Variants in MED28 observed in about 807,000 individuals in gnomAD.
MED28 encodes mediator complex subunit 28, also known as mediator of RNA polymerase II transcription subunit 28.
Under a neutral mutation model 21.3 loss-of-function variants are expected in MED28, and 26 were observed. The observed-to-expected ratio is 1.22, with a 90% confidence interval of 0.89 to 1.69. The LOEUF is 1.69. MED28 is among the 40% of genes most tolerant of loss of function. MED28 has a pLI of 0.00. For synonymous variants in MED28, 110 were observed against 87.6 expected, an observed-to-expected ratio of 1.26 and a Z score of -1.43; for missense variants, 257 against 215.4, an observed-to-expected ratio of 1.19 and a Z score of -1.21.
chr4:17,617,306 A>T (rs893840985), intron 1 of MED28, among the ~76,000 whole-genome samples: 1 of 152,210 alleles, frequency 6.6e-6, no homozygotes, highest in East Asian at 1.9e-4. Context: ...CTCCAGTGGC[A>T]CATAGCAGCA....
Position 17,619,948 on chromosome 4 carries a change from TC to T in MED28, c.208del (p.Gln70ArgfsTer49). 6.2e-7 allele frequency: 1 copy of T among 1,614,190 alleles called. No individual in the cohort carries two copies. The highest frequency in any genetic ancestry group is 8.5e-7 in the Non-Finnish European group (1 of 1,180,006). ...GTCAGGACTATGTCAATGGCACCGA[TC>T]AGGAAGAAATTCGAACCGGTAAGCA... Reference protein sequence around the residue: ...VSQDYVNGTDQEEIRTGVDQC... With the variant: ...VSQDYVNGTDXEEIRTGVDQC... On this transcript the variant is annotated frameshift_variant, in exon 2 of 4. Transcript: ENST00000237380. LOFTEE classifies it high-confidence loss of function.
chr4:17,617,128 C>A (rs1007019650), intron 1 of MED28, among the ~76,000 whole-genome samples: 16 of 152,240 alleles, frequency 1.1e-4, no homozygotes, highest in African/African-American at 3.4e-4. Flanking sequence ...AGCATTTTGA[C>A]TTAGCCAGGT....
chr4:17,615,082 G>A (rs1481858186), intron 1 of MED28, among the ~76,000 whole-genome samples: 2 of 152,198 alleles, frequency 1.3e-5, no homozygotes, highest in African/African-American at 4.8e-5. Flanking sequence ...ATTCCCAGCC[G>A]GTCCTTAGTC....
At position 17,626,435 on chromosome 4, in the gene MED28, T is replaced by G. The variant is rs1714774043; in HGVS notation, c.*2637T>G. 6.6e-6 allele frequency: 1 copy of G among 152,210 alleles called. No individual in the cohort carries two copies. The allele number at this position is 152,210 out of a possible 1,614,324, so 9.4% of individuals were successfully genotyped here. A position where few individuals can be genotyped will look rare whatever the true frequency, so the allele number is the denominator to read the frequency against. On this transcript the variant is annotated 3_prime_UTR_variant, in exon 4 of 4. Coordinates refer to ENST00000237380, the MANE Select transcript of MED28 (RefSeq NM_025205.5). ...CCTTTGGCAGAAGCAGGATTTGAAG[T>G]GAGTTTTCACACCCCTCTTCCCTGG...
In MED28 at chr4:17,631,365, G is replaced by C. The variant is rs4698638; in HGVS notation, c.*7567G>C. The C allele has an allele frequency of 0.53, 79,983 of 152,048 alleles. 23,670 individuals carry two copies. The highest frequency in any genetic ancestry group is 0.88 in the East Asian group (4,548 of 5,168). The allele number at this position is 152,048 out of a possible 1,614,324, so 9.4% of individuals were successfully genotyped here. ...TTTTTGTAGAGATGGAGGTCTCGCT[G>C]TGTTGCCCAGGCTGGTCTCAAATTC... On this transcript the variant is annotated 3_prime_UTR_variant, in exon 4 of 4. Transcript: ENST00000237380.
chr4:17,620,225 T>G (rs979007397), intron 2 of MED28: 1 of 429,028 alleles, frequency 2.3e-6, no homozygotes, highest in Non-Finnish European at 4.2e-6. Flanking sequence ...GTGTACTGCT[T>G]TTTAAAAAAA....
chr4:17,633,418 G>A lies in MED28; in HGVS notation c.*9620G>A. ...CTTAATTTTAAAGGCAAGGTATATG[G>A]AGACCTGGAGAGGTCAAGTGACCTG... On this transcript the variant is annotated 3_prime_UTR_variant, in exon 4 of 4. Coordinates refer to ENST00000237380, the MANE Select transcript of MED28 (RefSeq NM_025205.5). 1 of 310,384 alleles carries A rather than the reference G, an allele frequency of 3.2e-6. No homozygotes were observed. Among genetic ancestry groups the A allele is most frequent in the Non-Finnish European group, 5.9e-6 (1 of 170,892 alleles). The allele number at this position is 310,384 out of a possible 1,614,324, so 19.2% of individuals were successfully genotyped here.
chr4:17,628,070 G>A lies in MED28; in HGVS notation c.*4272G>A, dbSNP rs1037156720. The A allele has an allele frequency of 2.0e-5, 3 of 152,040 alleles. No individual in the cohort carries two copies. Among genetic ancestry groups the A allele is most frequent in the African/African-American group, 7.3e-5 (3 of 41,368 alleles). 9.4% of individuals were successfully genotyped at this position (152,040 alleles called of 1,614,324 possible). A position where few individuals can be genotyped will look rare whatever the true frequency, so the allele number is the denominator to read the frequency against. ...CATTCAGAAGCTGACAACACTGTTC[G>A]GTCATGCCATTCTCCTGTTGGACAT... On this transcript the variant is annotated 3_prime_UTR_variant, in exon 4 of 4. Coordinates refer to ENST00000237380, the MANE Select transcript of MED28 (RefSeq NM_025205.5).
chr4:17,617,249 T>C (rs1469803954), intron 1 of MED28, among the ~76,000 whole-genome samples: 1 of 152,210 alleles, frequency 6.6e-6, no homozygotes. Flanking sequence ...TTTGGAACTT[T>C]TCCTGTTTCC....
chr4:17,624,063 A>G lies in MED28; in HGVS notation c.*265A>G. On this transcript the variant is annotated 3_prime_UTR_variant, in exon 4 of 4. Transcript: ENST00000237380. ...GTTTAGACTGTGAATATGATGACAC[A>G]GATTCTTTTTTATGGTGGCTTTGCT... 1 of 434,206 alleles carries G rather than the reference A, an allele frequency of 2.3e-6. No homozygotes were observed. Among genetic ancestry groups the G allele is most frequent in the Non-Finnish European group, 4.1e-6 (1 of 241,102 alleles). The allele number at this position is 434,206 out of a possible 1,614,324, so 26.9% of individuals were successfully genotyped here. A position where few individuals can be genotyped will look rare whatever the true frequency, so the allele number is the denominator to read the frequency against.
chr4:17,624,475 TAGA>T lies in MED28; in HGVS notation c.*680_*682del, dbSNP rs1378186377. ...TGGTGTTTACTTTTTTTTTTTGACA[TAGA>T]AGGATATAGTGGGAGCAGTGATACG... On this transcript the variant is annotated 3_prime_UTR_variant, in exon 4 of 4. Transcript: ENST00000237380. 1 of 152,126 alleles carries T rather than the reference TAGA, an allele frequency of 6.6e-6. No individual in the cohort carries two copies. Among genetic ancestry groups the T allele is most frequent in the Non-Finnish European group, 1.5e-5 (1 of 68,146 alleles). The allele number at this position is 152,126 out of a possible 1,614,324, so 9.4% of individuals were successfully genotyped here.
rs753346818 is a variant in MED28, at chr4:17,621,650, A to G, written c.290A>G (p.Gln97Arg). 112 of 1,610,762 alleles carry G rather than the reference A, an allele frequency of 7.0e-5. No homozygotes were observed. Among genetic ancestry groups the G allele is most frequent in the Non-Finnish European group, 9.0e-5 (106 of 1,179,226 alleles). ...IARQTECFFL[Q>R]KRLQLSVQKP... ...AGACAGACAGAATGTTTTTTCTTAC[A>G]AAAAAGATTGCAGTTATCTGTCCAG... Residue 97 changes from glutamine to arginine, a missense_variant, in exon 3 of 4, where the codon CAA becomes CGA. Coordinates refer to ENST00000237380, the MANE Select transcript of MED28 (RefSeq NM_025205.5).
Position 17,634,105 on chromosome 4 carries a change from A to C in MED28, c.*10307A>C. The C allele has an allele frequency of 2.7e-6, 1 of 372,386 alleles. No homozygotes were observed. The highest frequency in any genetic ancestry group is 4.7e-6 in the Non-Finnish European group (1 of 212,986). The allele number at this position is 372,386 out of a possible 1,614,324, so 23.1% of individuals were successfully genotyped here. ...GTATGTTCACAACCTCTTAACCAAA[A>C]CTTCTGGAGATGGATGTGTTTTGCA... is the stretch of plus-strand genomic sequence containing the variant. On this transcript the variant is annotated 3_prime_UTR_variant, in exon 4 of 4. Coordinates refer to ENST00000237380, the MANE Select transcript of MED28 (RefSeq NM_025205.5).
intron 1 of MED28, among the ~76,000 whole-genome samples, chr4:17,615,883 G>A (rs1714436941): frequency 6.6e-6 from 1 of 152,194 alleles, no homozygotes; most frequent in Admixed American, 6.5e-5. Flanking sequence ...TAATAGCACA[G>A]TGGTAAATGA....
At position 17,632,043 on chromosome 4, in the gene MED28, ATTTTTTTTT is replaced by A. The variant is rs199549580; in HGVS notation, c.*8281_*8289del. Reference sequence around the variant, plus strand: ...TTTTAATAACACTGGTTTAATGTCAATTTTTTTTTTTTTTTTTTTTTTTTTTTTTTTTTT... The same window carrying A: ...TTTTAATAACACTGGTTTAATGTCAATTTTTTTTTTTTTTTTTTTTTTTTT... On this transcript the variant is annotated 3_prime_UTR_variant, in exon 4 of 4. Coordinates refer to ENST00000237380, the MANE Select transcript of MED28 (RefSeq NM_025205.5). 10 of 117,608 alleles carry A rather than the reference ATTTTTTTTT, an allele frequency of 8.5e-5. No homozygotes were observed. The highest frequency in any genetic ancestry group is 4.3e-4 in the East Asian group (2 of 4,606). 7.3% of individuals were successfully genotyped at this position (117,608 alleles called of 1,614,324 possible). A position where few individuals can be genotyped will look rare whatever the true frequency, so the allele number is the denominator to read the frequency against.
chr4:17,623,543 G>C, intron 3 of MED28, 58 bp from the exon 4 acceptor site: 1 of 1,551,604 alleles, frequency 6.4e-7, no homozygotes, highest in Non-Finnish European at 8.9e-7. Context: ...TAACTAACCA[G>C]AACCGTATGT....
chr4:17,621,096 CCT>C (rs1714616441), intron 2 of MED28, among the ~76,000 whole-genome samples: 1 of 150,548 alleles, frequency 6.6e-6, no homozygotes, highest in South Asian at 2.1e-4. Flanking sequence ...CTCACTGCAA[CCT>C]CTCACTCCCT....
intron 1 of MED28, among the ~76,000 whole-genome samples, chr4:17,616,161 T>C (rs1185294125): frequency 2.0e-5 from 3 of 152,160 alleles, no homozygotes; most frequent in African/African-American, 7.2e-5. Flanking sequence ...TTCACTATCT[T>C]GGCCAGGCTG....
At position 17,619,895 on chromosome 4, in the gene MED28, A is replaced by G. The variant is rs1375092284; in HGVS notation, c.160-6A>G. 2 of 1,613,622 alleles carry G rather than the reference A, an allele frequency of 1.2e-6. No individual in the cohort carries two copies. Among genetic ancestry groups the G allele is most frequent in the Non-Finnish European group, 1.7e-6 (2 of 1,179,576 alleles). ...TTTTTTTCTTTCCTATGTTTTGATT[A>G]CACAGGCTTGCTTTGCATCTCTGGT... On this transcript the variant is annotated splice_region_variant and splice_polypyrimidine_tract_variant and intron_variant, in intron 1 of 3. Transcript: ENST00000237380.
Sources: gnomAD v4.1 joint callset for allele counts (sites outside exome capture counted in the v4.1 genomes callset) on GRCh38, gnomAD v4.1.1 for gene constraint, MANE v1.5 for transcripts, NCBI Gene and HGNC (gene_info 2026-07-23, HGNC 2026-07-21) for gene names.